The following ADARB1 variants were observed in gnomAD, a reference collection of about 807,000 sequenced individuals.
ADARB1 encodes adenosine deaminase RNA specific B1.
In ADARB1, 10 loss-of-function variants were observed where a neutral mutation model predicts 52.4. The ratio of observed to expected loss-of-function variants is 0.19; its 90% CI spans 0.12 to 0.32. The LOEUF (loss-of-function observed/expected upper bound fraction) is 0.32, where lower values mean the gene tolerates loss of function less well. ADARB1 is among the 10% of genes least tolerant of loss of function. ADARB1 has a pLI of 1.00. For missense variants in ADARB1, 643 were observed against 922.3 expected, an observed-to-expected ratio of 0.70 and a Z score of 3.92; for synonymous variants, 349 against 371.1, an observed-to-expected ratio of 0.94 and a Z score of 0.68.
intron 1 of ADARB1, among the ~76,000 whole-genome samples, chr21:45,086,471 G>C (rs1278949270): frequency 6.6e-6 from 1 of 152,148 alleles, no homozygotes; most frequent in African/African-American, 2.4e-5. Flanking sequence ...AATGTTCCCT[G>C]TGCTTGTCTG....
intron 1 of ADARB1, among the ~76,000 whole-genome samples, chr21:45,109,195 GCA>G (rs1449090429): frequency 3.1e-4 from 14 of 44,844 alleles, no homozygotes; most frequent in Non-Finnish European, 8.7e-4. Flanking sequence ...ATATGTGTGT[GCA>G]CGTGTGTTTG....
At chr21:45,100,840 C>CG (rs2086970629) in intron 1 of ADARB1, 1 of 152,694 alleles carries the variant, frequency 6.5e-6, no homozygotes, top group Admixed American at 6.5e-5. Flanking sequence ...ACAGGGCCAG[C>CG]GGGGCCAGCA....
intron 9 of ADARB1, among the ~76,000 whole-genome samples, chr21:45,209,648 G>T (rs909371570): frequency 5.9e-5 from 9 of 152,076 alleles, no homozygotes; most frequent in Non-Finnish European, 1.2e-4. Flanking sequence ...CTTTCTAGAA[G>T]GTACCTCCTT....
At chr21:45,151,777 GCATGTACATGTGTGTGATGTGTGTC>G (rs1199910376) in intron 2 of ADARB1, among the ~76,000 whole-genome samples, 1 of 152,198 alleles carries the variant, frequency 6.6e-6, no homozygotes, top group African/African-American at 2.4e-5. Context: ...TGATGTGTGT[GCATGTACATGTGTGTGATGTGTGTC>G]CCTGCTCGCC....
intron 2 of ADARB1, among the ~76,000 whole-genome samples, chr21:45,159,030 G>A (rs1428545393): frequency 2.0e-5 from 3 of 152,142 alleles, no homozygotes; most frequent in African/African-American, 7.2e-5. Context: ...CATGTTCATT[G>A]TAAGAATTCG....
chr21:45,081,535 G>A lies in ADARB1; in HGVS notation c.-220+6742G>A, dbSNP rs529062506. Among the ~76,000 whole-genome samples, 14 of 152,328 alleles carry A rather than the reference G, an allele frequency of 9.2e-5. No homozygotes were observed. In the South Asian group the frequency reaches 2.3e-3, roughly 25 times the overall value. On this transcript the variant is annotated intron_variant, in intron 1 of 10. Transcript: ENST00000348831. ...CTAGGCTAAGCTTTGATGTTTGGTA[G>A]GGTAGGTGTATTGAATGCTTTTTCA...
Position 45,172,100 on chromosome 21 carries a change from G to T in ADARB1, c.28+416G>T, listed in dbSNP as rs1055745658. On this transcript the variant is annotated intron_variant, in intron 3 of 10. Transcript: ENST00000348831. The surrounding 1 kb of genome is among the most constrained non-coding windows in gnomAD (Gnocchi z 4.4). The stretch of plus-strand genomic sequence containing the variant: ...CAGAAATATTTCCCTTCAAAATGCA[G>T]GTTCTCGCTGCATTTTGAAGGAAGG... Among the ~76,000 whole-genome samples the T allele has an allele frequency of 2.6e-5, 4 of 152,184 alleles. No homozygotes were observed. The highest frequency in any genetic ancestry group is 2.6e-4 in the Admixed American group (4 of 15,274).
rs1240392360 is a variant in ADARB1 at position 45,176,213 on chromosome 21, A to T, written c.512A>T (p.Asp171Val). Residue 171 changes from aspartate (D) to valine (V), a missense_variant, in exon 4 of 11, where the codon GAC (aspartate) becomes GTC (valine). By Grantham distance (152) the Asp-to-Val change is radical. This residue lies in a region of ADARB1 where 380 missense variants were observed against 446.5 expected (regional missense o/e 0.85). Coordinates refer to ENST00000348831, the MANE Select transcript of ADARB1 (RefSeq NM_001112.4). The surrounding 1 kb of genome is among the most constrained non-coding windows in gnomAD (Gnocchi z 5.8). ...ACGGACTTCACATCTGACCAGGCCGACTTCCCTGACACGCTCTTCAATGGT... is the reference window on the plus strand; with the variant it reads ...ACGGACTTCACATCTGACCAGGCCGTCTTCCCTGACACGCTCTTCAATGGT... ...VNTDFTSDQADFPDTLFNGFE... is the reference protein window; with the variant it reads ...VNTDFTSDQAVFPDTLFNGFE... 6.2e-7 allele frequency: 1 copy of T among 1,613,972 alleles called. No homozygotes were observed. Among genetic ancestry groups the T allele is most frequent in the Non-Finnish European group, 8.5e-7 (1 of 1,180,016 alleles).
intron 1 of ADARB1, among the ~76,000 whole-genome samples, chr21:45,090,346 C>G (rs1416166522): frequency 6.6e-6 from 1 of 151,932 alleles, no homozygotes; most frequent in Non-Finnish European, 1.5e-5. Context: ...CCAGCCCTAC[C>G]CCTAGTCTTT....
At chr21:45,124,111 A>G (rs1331048673) in intron 1 of ADARB1, among the ~76,000 whole-genome samples, 1 of 152,222 alleles carries the variant, frequency 6.6e-6, no homozygotes. Flanking sequence ...CATTCCCATC[A>G]TAAATTCATC....
chr21:45,149,603 T>C (rs879502436), intron 2 of ADARB1, among the ~76,000 whole-genome samples: 6 of 152,278 alleles, frequency 3.9e-5, no homozygotes, highest in Non-Finnish European at 8.8e-5. Flanking sequence ...GACCACTGAA[T>C]TTAACTGTTA....
intron 1 of ADARB1, among the ~76,000 whole-genome samples, chr21:45,089,184 C>A (rs1450703410): frequency 6.6e-6 from 1 of 152,194 alleles, no homozygotes; most frequent in Non-Finnish European, 1.5e-5. Flanking sequence ...TCACAACATA[C>A]AGGTCTGTGA....
chr21:45,075,385 G>A (rs768149494), intron 1 of ADARB1, among the ~76,000 whole-genome samples: 8 of 151,510 alleles, frequency 5.3e-5, no homozygotes, highest in Middle Eastern at 3.4e-3. Context: ...AGGGGAGGCT[G>A]CCTTGGGAGG....
intron 2 of ADARB1, chr21:45,152,825 A>AT (rs2090367855): frequency 5.6e-6 from 1 of 177,910 alleles, no homozygotes; most frequent in African/African-American, 2.4e-5. Flanking sequence ...GTTACTTCCT[A>AT]TTTTCCCTTT....
intron 1 of ADARB1, among the ~76,000 whole-genome samples, chr21:45,087,793 G>C (rs2086406194): frequency 6.6e-6 from 1 of 152,182 alleles, no homozygotes; most frequent in African/African-American, 2.4e-5. Flanking sequence ...AAAGCGGCAG[G>C]GCCACAGCAA....
intron 8 of ADARB1, 22 bp downstream of exon 8, chr21:45,185,113 T>G (rs1213743062): frequency 6.2e-7 from 1 of 1,610,876 alleles, no homozygotes; most frequent in South Asian, 1.1e-5. Flanking sequence ...GGGCTCCCTG[T>G]GGCCACCTCC....
chr21:45,171,175 C>G (rs1435972092), intron 2 of ADARB1, among the ~76,000 whole-genome samples: 1 of 152,224 alleles, frequency 6.6e-6, no homozygotes, highest in East Asian at 1.9e-4. Context: ...CTTAGTCCAT[C>G]CTGCAGCAGG....
chr21:45,156,531 A>G (rs1374919334), intron 2 of ADARB1, among the ~76,000 whole-genome samples: 1 of 54,818 alleles, frequency 1.8e-5, no homozygotes, highest in Admixed American at 2.7e-4. Context: ...ATCATCACCC[A>G]TCACCCATCA....
chr21:45,149,703 T>TA lies in ADARB1; in HGVS notation c.-48+21131dup, dbSNP rs1253654526. ...GACATGATTTATCAATAAGTGCATA[T>TA]ATCTCCCATAACATTGATTATTTTG... is the stretch of plus-strand genomic sequence containing the variant. On this transcript the variant is annotated intron_variant, in intron 2 of 10. Coordinates refer to ENST00000348831, the MANE Select transcript of ADARB1 (RefSeq NM_001112.4). 4.6e-5 allele frequency among the ~76,000 whole-genome samples: 7 copies of TA among 152,370 alleles called. No individual in the cohort carries two copies. In the South Asian group the frequency reaches 1.4e-3, roughly 32 times the overall value.
Sources: allele counts gnomAD v4.1 joint callset (sites outside exome capture counted in the v4.1 genomes callset), GRCh38; gene constraint gnomAD v4.1.1; regional missense constraint gnomAD v4.1.1; non-coding constraint Gnocchi (gnomAD v3.1); transcripts MANE v1.5; gene names NCBI Gene and HGNC (gene_info 2026-07-23, HGNC 2026-07-21).